PTOV1: variants seen among roughly 807,000 people sequenced by gnomAD.
PTOV1 encodes PTOV1 extended AT-hook containing adaptor protein.
PTOV1 carries 20 observed loss-of-function variants against 58.0 expected under a neutral mutation model. The ratio of observed to expected loss-of-function variants is 0.34; its 90% CI spans 0.24 to 0.50. The LOEUF (loss-of-function observed/expected upper bound fraction) is 0.50, where lower values mean the gene tolerates loss of function less well. Ranked by LOEUF, PTOV1 falls within the 20% of genes least tolerant of loss-of-function variation. The pLI is 0.98. For missense variants in PTOV1, 593 were observed against 565.4 expected (o/e 1.05, Z -0.50); for synonymous variants, 335 against 234.2 (o/e 1.43, Z -3.93).
chr19:49,850,784 A>G (rs866298974), upstream of PTOV1: 9 of 1,438,852 alleles, frequency 6.3e-6, no homozygotes, highest in Middle Eastern at 1.7e-4. Context: ...GTTCCCTTTC[A>G]GTGGGTTCCT....
rs1052504447 is a variant in PTOV1, at chr19:49,854,304, T to G, written c.172-102T>G. 10 of 1,465,240 alleles carry G rather than the reference T, an allele frequency of 6.8e-6. No individual in the cohort carries two copies. In the East Asian group the frequency reaches 2.1e-4, roughly 30 times the overall value. The allele number at this position is 1,465,240 out of a possible 1,614,324, so 90.8% of individuals were successfully genotyped here. A position where few individuals can be genotyped will look rare whatever the true frequency, so the allele number is the denominator to read the frequency against. ...GCCCCGTGGGCTTCCAGCAGGGGAT[T>G]TGGGGCTGAATATTGGGACGTCCCC... On this transcript the variant is annotated intron_variant, in intron 1 of 11. Coordinates refer to ENST00000391842, the Ensembl canonical transcript of PTOV1.
At chr19:49,854,038 G>T (rs1600367684) in intron 1 of PTOV1, among the ~76,000 whole-genome samples, 1 of 152,222 alleles carries the variant, frequency 6.6e-6, no homozygotes, top group East Asian at 1.9e-4. Context: ...CCTGGGCCCA[G>T]CCTGGGGCAC....
chr19:49,860,034 C>G, exon 11 of PTOV1: 4 of 1,614,200 alleles, frequency 2.5e-6, no homozygotes, highest in Non-Finnish European at 3.4e-6. Context: ...GATCCGCGTG[C>G]TTATGCTCCT....
chr19:49,850,847 G>T (rs1455129436), upstream of PTOV1: 2 of 1,534,990 alleles, frequency 1.3e-6, no homozygotes, highest in Middle Eastern at 3.3e-4. Context: ...GTATTTTGGC[G>T]CGGTCTCCTG....
At chr19:49,854,850 C>G in exon 4 of PTOV1, 1 of 1,613,360 alleles carries the variant, frequency 6.2e-7, no homozygotes, top group Non-Finnish European at 8.5e-7. Context: ...CCAGTGGCCG[C>G]AGAAGCTGAT....
chr19:49,859,817 G>GC, intron 10 of PTOV1, 169 bp from the exon 11 acceptor site: 1 of 688,238 alleles, frequency 1.5e-6, no homozygotes, highest in East Asian at 2.7e-5. Flanking sequence ...ATTGCTCTTG[G>GC]CCACCGTGTC....
At chr19:49,855,850 A>G (rs1014159848) in intron 5 of PTOV1, among the ~76,000 whole-genome samples, 1 of 152,180 alleles carries the variant, frequency 6.6e-6, no homozygotes, top group East Asian at 1.9e-4. Context: ...GGGTGAACCC[A>G]GCTGGTGAGG....
At chr19:49,857,478 C>T (rs1486731280) in intron 6 of PTOV1, 27 of 622,276 alleles carry the variant, frequency 4.3e-5, no homozygotes, top group East Asian at 4.1e-4. Context: ...AGGTCCTGTG[C>T]ACCAGGTGAG....
At chr19:49,856,876 T>C in intron 5 of PTOV1, 99 bp from the exon 6 acceptor site, 3 of 1,441,108 alleles carry the variant, frequency 2.1e-6, no homozygotes, top group Non-Finnish European at 1.9e-6. Context: ...TGTCCACCGA[T>C]GATCTCCCTT....
intron 3 of PTOV1, 38 bp from the exon 4 acceptor site, chr19:49,854,793 G>T: frequency 1.2e-6 from 2 of 1,613,270 alleles, no homozygotes; most frequent in Non-Finnish European, 1.7e-6. Context: ...TGGCCGTGGG[G>T]ATCAGGGCAG....
chr19:49,855,413 G>A (rs781389285), intron 5 of PTOV1: 15 of 349,590 alleles, frequency 4.3e-5, no homozygotes, highest in Non-Finnish European at 8.2e-5. Flanking sequence ...CCTGGTAAAT[G>A]GGTGTGCTAG....
At chr19:49,853,290 C>G (rs935006736) in intron 1 of PTOV1, 4 of 152,204 alleles carry the variant, frequency 2.6e-5, no homozygotes, top group African/African-American at 4.8e-5. Context: ...GGGAAACTCT[C>G]GTGGGTTTCC....
At chr19:49,858,966 ACATCCCAAAGGCCCATTGCTGGG>A (rs2074610947) in intron 10 of PTOV1, 1 of 267,206 alleles carries the variant, frequency 3.7e-6, no homozygotes, top group Non-Finnish European at 7.2e-6. Context: ...AGCTTGTGCC[ACATCCCAAAGGCCCATTGCTGGG>A]CAGGGAGGGC....
chr19:49,858,981 A>G (rs552960729), intron 10 of PTOV1: 11 of 236,156 alleles, frequency 4.7e-5, no homozygotes, highest in Middle Eastern at 1.3e-3. Context: ...CCAAAGGCCC[A>G]TTGCTGGGCA....
exon 6 of PTOV1, chr19:49,857,015 T>C (rs761051424): frequency 1.2e-6 from 2 of 1,613,754 alleles, no homozygotes; most frequent in Non-Finnish European, 1.7e-6. Context: ...CCCTGTGAGG[T>C]GCGCGTGCTC....
At chr19:49,859,123 T>A (rs1020643119) in intron 10 of PTOV1, 1 of 155,230 alleles carries the variant, frequency 6.4e-6, no homozygotes, top group Non-Finnish European at 1.4e-5. Flanking sequence ...GGTTGGACTT[T>A]GGTGTTTCTG....
At chr19:49,858,711 C>T (rs980182167) in intron 10 of PTOV1, 58 bp downstream of exon 10, 161 of 1,399,944 alleles carry the variant, frequency 1.2e-4, no homozygotes, top group African/African-American at 5.6e-4. Flanking sequence ...GAGCCCGGAC[C>T]GCTCACGGGG....
exon 6 of PTOV1, chr19:49,857,114 TCAC>T (rs758093641): frequency 1.9e-6 from 3 of 1,613,906 alleles, no homozygotes; most frequent in Non-Finnish European, 2.5e-6. Flanking sequence ...CGGCAGGTCA[TCAC>T]CACCCGCAAG....
chr19:49,851,314 C>T, exon 1 of PTOV1: 2 of 1,053,972 alleles, frequency 1.9e-6, no homozygotes, highest in African/African-American at 1.7e-5. Context: ...CCCGCCCGCT[C>T]GGCCCGCGCC....
Sources: gnomAD v4.1 joint callset for allele counts (sites outside exome capture counted in the v4.1 genomes callset) on GRCh38, gnomAD v4.1.1 for gene constraint, MANE v1.5 for transcripts, NCBI Gene and HGNC (gene_info 2026-07-23, HGNC 2026-07-21) for gene names.